The following FAAH2 variants were observed in gnomAD, a reference collection of about 807,000 sequenced individuals.
FAAH2 encodes the protein fatty-acid amide hydrolase 2.
A neutral mutation model predicts 36.9 loss-of-function variants in FAAH2; 60 were observed. That is an observed-to-expected ratio of 1.63 (90% CI 1.32 to 2.02). The LOEUF is 2.02. FAAH2 is among the 30% of genes most tolerant of loss of function. FAAH2 has a pLI of 0.00. For missense variants in FAAH2, 689 were observed against 397.5 expected (o/e 1.73, Z -6.23); for synonymous variants, 214 against 143.8 (o/e 1.49, Z -3.49).
chrX:57,180,299 C>T, the FAAH2 span, among the ~76,000 whole-genome samples: 1 of 111,228 alleles, frequency 9.0e-6, no homozygotes, highest in African/African-American at 3.3e-5. Context: ...TATGAAAAAC[C>T]ATTCAAAATA....
chrX:57,398,697 G>C (rs2055361898), intron 7 of FAAH2, among the ~76,000 whole-genome samples: 1 of 111,280 alleles, frequency 9.0e-6, no homozygotes, highest in Admixed American at 9.5e-5. Context: ...TCAGGTGATA[G>C]ATGATTGGCT....
chrX:57,324,101 C>A (rs1372209169), intron 3 of FAAH2, among the ~76,000 whole-genome samples: 1 of 111,793 alleles, frequency 8.9e-6, no homozygotes, highest in Non-Finnish European at 1.9e-5. Context: ...ATAGGGAATC[C>A]TTTCCCCATT....
chrX:57,313,430 A>G (rs1034351159), intron 3 of FAAH2, among the ~76,000 whole-genome samples: 5 of 109,746 alleles, frequency 4.6e-5, no homozygotes, highest in African/African-American at 1.7e-4. Flanking sequence ...CCCAAGGAAC[A>G]TAGTAATCAG....
At chrX:57,176,107 G>A in the FAAH2 span, among the ~76,000 whole-genome samples, 1 of 111,055 alleles carries the variant, frequency 9.0e-6, no homozygotes, top group East Asian at 2.8e-4. Flanking sequence ...TCTTGTATTT[G>A]CATGTCTGTA....
rs147269231 is a variant in FAAH2 at position 57,303,577 on chromosome X, T to C, written c.276-7016T>C. ...ATAACAAAGCATGTAGATTTTATTG[T>C]TACCACCATTTTATAGCTGGAGAAA... On this transcript the variant is annotated intron_variant, in intron 2 of 10. Coordinates refer to ENST00000374900, the MANE Select transcript of FAAH2 (RefSeq NM_174912.4). Among the ~76,000 whole-genome samples, 521 of 111,885 alleles carry C rather than the reference T, an allele frequency of 4.7e-3. 3 individuals carry two copies. The highest frequency in any genetic ancestry group is 0.016 in the African/African-American group (495 of 30,776).
the FAAH2 span, among the ~76,000 whole-genome samples, chrX:57,209,277 A>C: frequency 8.9e-6 from 1 of 112,054 alleles, no homozygotes; most frequent in Non-Finnish European, 1.9e-5. Flanking sequence ...CACAGCTTAG[A>C]ATGTTCTGAG....
intron 2 of FAAH2, among the ~76,000 whole-genome samples, chrX:57,296,796 A>G (rs1456124175): frequency 1.8e-5 from 2 of 112,199 alleles, no homozygotes; most frequent in South Asian, 3.7e-4. Context: ...CACCAGAACT[A>G]CATGATGAAT....
the FAAH2 span, among the ~76,000 whole-genome samples, chrX:57,219,110 G>A: frequency 9.0e-6 from 1 of 111,666 alleles, no homozygotes. Context: ...TGAGAAAGAG[G>A]CCATATGGGT....
chrX:57,297,064 C>G (rs2052185618), intron 2 of FAAH2, among the ~76,000 whole-genome samples: 2 of 110,578 alleles, frequency 1.8e-5, no homozygotes, highest in South Asian at 7.8e-4. Flanking sequence ...CCCAATCTAG[C>G]AAGGCAGGCC....
In FAAH2 at chrX:57,480,437, G is replaced by T. The variant is rs141212124; in HGVS notation, c.1424-8320G>T. Among the ~76,000 whole-genome samples, 52 of 112,033 alleles carry T rather than the reference G, an allele frequency of 4.6e-4. 1 individual carries two copies. The highest frequency in any genetic ancestry group is 1.7e-3 in the African/African-American group (52 of 30,887). ...GCTCTTTTAAGGCTGGTTTGGTGGT[G>T]ACAAAGTTTCTCAGTATTTGTTTGT... is the stretch of plus-strand genomic sequence containing the variant. On this transcript the variant is annotated intron_variant, in intron 10 of 10. Transcript: ENST00000374900.
chrX:57,323,645 G>A (rs2053105594), intron 3 of FAAH2, among the ~76,000 whole-genome samples: 1 of 104,513 alleles, frequency 9.6e-6, no homozygotes, highest in Admixed American at 1.0e-4. Context: ...TTTGAGAAGT[G>A]TCTGTTCATA....
At chrX:57,320,700 C>G (rs1472788262) in intron 3 of FAAH2, among the ~76,000 whole-genome samples, 2 of 112,628 alleles carry the variant, frequency 1.8e-5, no homozygotes, top group African/African-American at 6.5e-5. Flanking sequence ...TATCATTCTA[C>G]TATAAAGCAA....
intron 10 of FAAH2, among the ~76,000 whole-genome samples, chrX:57,471,456 A>G (rs1209093843): frequency 1.8e-5 from 2 of 111,077 alleles, no homozygotes; most frequent in Admixed American, 9.6e-5. Context: ...CCCATAACAG[A>G]TAGAGAACCA....
intron 8 of FAAH2, among the ~76,000 whole-genome samples, chrX:57,437,038 C>A (rs1453736564): frequency 9.0e-6 from 1 of 110,834 alleles, no homozygotes; most frequent in African/African-American, 3.3e-5. Context: ...ACGCCATAAA[C>A]AAGTGGGTTT....
chrX:57,315,485 A>G (rs748541057), intron 3 of FAAH2, among the ~76,000 whole-genome samples: 1 of 111,729 alleles, frequency 9.0e-6, no homozygotes, highest in African/African-American at 3.2e-5. Flanking sequence ...AATATCCCTG[A>G]TTAACATAAA....
the FAAH2 span, among the ~76,000 whole-genome samples, chrX:57,273,865 G>T: frequency 9.0e-6 from 1 of 111,344 alleles, no homozygotes; most frequent in Non-Finnish European, 1.9e-5. Flanking sequence ...AGAAGCAGAA[G>T]CAAACGAATT....
At chrX:57,312,806 A>ACT (rs1460778677) in intron 3 of FAAH2, among the ~76,000 whole-genome samples, 1 of 111,938 alleles carries the variant, frequency 8.9e-6, no homozygotes, top group African/African-American at 3.2e-5. Context: ...CAGTGCAAGA[A>ACT]CTCTGGAAAT....
intron 3 of FAAH2, among the ~76,000 whole-genome samples, chrX:57,311,873 C>G (rs2052704218): frequency 8.9e-6 from 1 of 111,991 alleles, no homozygotes; most frequent in Non-Finnish European, 1.9e-5. Flanking sequence ...CAGGTGCACC[C>G]AGGGCTACAG....
At chrX:57,443,167 G>T (rs1046124804) in intron 8 of FAAH2, among the ~76,000 whole-genome samples, 5 of 111,825 alleles carry the variant, frequency 4.5e-5, no homozygotes, top group East Asian at 2.8e-4. Context: ...TGCCTCGCTA[G>T]GTTCTTGAAG....
Sources: allele counts gnomAD v4.1 joint callset (sites outside exome capture counted in the v4.1 genomes callset), GRCh38; gene constraint gnomAD v4.1.1; transcripts MANE v1.5; gene names NCBI Gene and HGNC (gene_info 2026-07-23, HGNC 2026-07-21).